KIAA1217: variants seen among roughly 807,000 people sequenced by gnomAD.
KIAA1217 encodes sickle tail protein homolog.
In KIAA1217, 88 loss-of-function variants were observed where a neutral mutation model predicts 163.9. The observed-to-expected ratio is 0.54, with a 90% CI of 0.45 to 0.64. KIAA1217 has a LOEUF of 0.64. Among genes scored for constraint, KIAA1217 ranks in the 30% least tolerant of loss-of-function variants. KIAA1217 has a pLI of 0.00. For synonymous variants in KIAA1217, 903 were observed against 923.1 expected (o/e 0.98, Z 0.39); for missense variants, 2,372 against 2,475.0 (o/e 0.96, Z 0.88).
At chr10:24,058,385 T>C (rs182491962) in intron 2 of KIAA1217, among the ~76,000 whole-genome samples, 1 of 152,322 alleles carries the variant, frequency 6.6e-6, no homozygotes, top group East Asian at 1.9e-4. Flanking sequence ...GGATCCTTCA[T>C]GATTCCATGT....
intron 2 of KIAA1217, among the ~76,000 whole-genome samples, chr10:24,013,234 C>T (rs1847319447): frequency 2.0e-5 from 3 of 151,918 alleles, no homozygotes; most frequent in Admixed American, 2.0e-4. Context: ...CCAAGATGTG[C>T]CTTACAGAGA....
intron 2 of KIAA1217, among the ~76,000 whole-genome samples, chr10:24,125,322 CTGTGTGTG>C (rs58143239): frequency 0.14 from 20,012 of 143,752 alleles, 1,665 homozygotes; most frequent in East Asian, 0.39. Context: ...ATCCTATGCT[CTGTGTGTG>C]TGTGTGTGTG....
chr10:24,513,372 C>T lies in KIAA1217; in HGVS notation c.2115C>T (p.Val705=). The T allele has an allele frequency of 6.2e-7, 1 of 1,614,160 alleles. No individual in the cohort carries two copies. Among genetic ancestry groups the T allele is most frequent in the Non-Finnish European group, 8.5e-7 (1 of 1,180,038 alleles). The change falls in exon 10 of 21, where the codon GTC becomes GTT. Residue 705 remains valine, a synonymous_variant. Transcript: ENST00000376454. ...AGGATCCCGTGCAGCGACAGCGCGT[C>T]CTAGTGGAGCAAGAGAGACAAAAAT... The part of the protein sequence containing the change: ...RLEDPVQRQR[V]LVEQERQKYL...
In KIAA1217 at chr10:23,955,021, T is replaced by G. The variant is rs1844497930; in HGVS notation, c.-320-52204T>G. Among the ~76,000 whole-genome samples, 3 of 152,314 alleles carry G rather than the reference T, an allele frequency of 2.0e-5. No homozygotes were observed. In the South Asian group the frequency reaches 6.2e-4, roughly 32 times the overall value. On this transcript the variant is annotated intron_variant, in intron 1 of 18. Transcript: ENST00000376462. ...TGTAAAAGGAAGATAATAATAATAA[T>G]AATGGGCAATAATAACAAGTTATGT...
chr10:24,104,467 C>A (rs1251435651), intron 2 of KIAA1217, among the ~76,000 whole-genome samples: 1 of 151,866 alleles, frequency 6.6e-6, no homozygotes, highest in South Asian at 2.1e-4. Context: ...GAAAAGGCAA[C>A]TAGGGAGAAA....
At chr10:24,325,730 G>A (rs1435457825) in intron 2 of KIAA1217, among the ~76,000 whole-genome samples, 1 of 152,180 alleles carries the variant, frequency 6.6e-6, no homozygotes, top group Non-Finnish European at 1.5e-5. Flanking sequence ...ATGTAATGGG[G>A]TGGAAGTTTG....
intron 2 of KIAA1217, among the ~76,000 whole-genome samples, chr10:24,251,886 G>A (rs556376072): frequency 6.6e-6 from 1 of 151,336 alleles, no homozygotes; most frequent in African/African-American, 2.4e-5. Flanking sequence ...AAAAAGGGGC[G>A]GGGAGCTAAG....
chr10:23,712,238 G>C (rs1374071597), intron 1 of KIAA1217, among the ~76,000 whole-genome samples: 1 of 152,060 alleles, frequency 6.6e-6, no homozygotes. Flanking sequence ...GGTAGAAAGA[G>C]GAACATAAGC....
chr10:24,243,857 G>A (rs1254711224), intron 2 of KIAA1217, among the ~76,000 whole-genome samples: 1 of 152,088 alleles, frequency 6.6e-6, no homozygotes, highest in Non-Finnish European at 1.5e-5. Context: ...TAGAAGCCCA[G>A]TGAAGCTTTT....
chr10:23,813,297 T>C (rs1189952086), intron 1 of KIAA1217, among the ~76,000 whole-genome samples: 1 of 152,068 alleles, frequency 6.6e-6, no homozygotes, highest in East Asian at 1.9e-4. Context: ...ATTGTAATAA[T>C]TCTTTATGTA....
At chr10:24,448,742 C>T (rs1014306800) in intron 5 of KIAA1217, among the ~76,000 whole-genome samples, 4 of 152,134 alleles carry the variant, frequency 2.6e-5, no homozygotes, top group South Asian at 4.1e-4. Context: ...AAACTTACAC[C>T]GTAAGGGTGA....
At chr10:24,496,974 C>T (rs907717410) in intron 8 of KIAA1217, among the ~76,000 whole-genome samples, 3 of 152,214 alleles carry the variant, frequency 2.0e-5, no homozygotes, top group South Asian at 2.1e-4. Context: ...TGATTTGCAA[C>T]GCCACTGGCA....
At chr10:23,856,360 G>A (rs148908458) in intron 1 of KIAA1217, among the ~76,000 whole-genome samples, 2,717 of 152,278 alleles carry the variant, frequency 0.018, 79 homozygotes, top group African/African-American at 0.061. Context: ...CTGTCTGATC[G>A]TTCCTCTGGA....
At chr10:24,363,349 C>A (rs2050278557) in intron 2 of KIAA1217, among the ~76,000 whole-genome samples, 1 of 152,120 alleles carries the variant, frequency 6.6e-6, no homozygotes, top group Non-Finnish European at 1.5e-5. Flanking sequence ...TTTAGCCTTT[C>A]AAAGAGATCT....
rs937293045 is a variant in KIAA1217, at chr10:24,529,876, C to A, written c.3082+1757C>A. Among the ~76,000 whole-genome samples the A allele has an allele frequency of 3.3e-5, 5 of 150,492 alleles. No homozygotes were observed. In the East Asian group the frequency reaches 9.7e-4, roughly 29 times the overall value. ...TTAGTGGCATGATCTTGGCTCCCTG[C>A]AACCTCCGCCTCCTGGGTTCAAGCA... On this transcript the variant is annotated intron_variant, in intron 14 of 20. Transcript: ENST00000376454.
At chr10:24,170,904 G>A (rs968907686) in intron 2 of KIAA1217, among the ~76,000 whole-genome samples, 6 of 152,208 alleles carry the variant, frequency 3.9e-5, no homozygotes, top group Non-Finnish European at 8.8e-5. Flanking sequence ...ACATACCCTT[G>A]AACGCATGCC....
intron 10 of KIAA1217, among the ~76,000 whole-genome samples, chr10:24,514,094 A>G (rs2069643398): frequency 6.6e-6 from 1 of 152,198 alleles, no homozygotes; most frequent in Admixed American, 6.5e-5. Context: ...ATCAAGTCCT[A>G]CTATTGAAAT....
At chr10:24,533,033 A>T (rs767722605) in intron 15 of KIAA1217, 37 bp from the exon 16 acceptor site, 1 of 1,571,914 alleles carries the variant, frequency 6.4e-7, no homozygotes, top group South Asian at 1.2e-5. Context: ...CACCTAGGAG[A>T]TGTTAAACCA....
At chr10:23,990,458 A>G (rs980909060) in intron 1 of KIAA1217, among the ~76,000 whole-genome samples, 2 of 152,086 alleles carry the variant, frequency 1.3e-5, no homozygotes, top group Non-Finnish European at 2.9e-5. Context: ...TCTTTTTTTA[A>G]TGAGGTGGAT....
Sources: gnomAD v4.1 joint callset for allele counts (sites outside exome capture counted in the v4.1 genomes callset) on GRCh38, gnomAD v4.1.1 for gene constraint, MANE v1.5 for transcripts, NCBI Gene and HGNC (gene_info 2026-07-23, HGNC 2026-07-21) for gene names.